Variants in CADM2 observed in about 807,000 individuals in gnomAD.
The protein encoded by CADM2 is cell adhesion molecule 2.
Under a neutral mutation model 49.8 loss-of-function variants are expected in CADM2, and 12 were observed. The observed-to-expected ratio is 0.24, with a 90% CI of 0.15 to 0.39. The LOEUF is 0.39. Ranked by LOEUF, CADM2 falls within the 10% of genes least tolerant of loss-of-function variation. The pLI is 1.00. For missense variants in CADM2, 378 were observed against 492.3 expected, an observed-to-expected ratio of 0.77 and a Z score of 2.20; for synonymous variants, 214 against 175.4, an observed-to-expected ratio of 1.22 and a Z score of -1.74.
chr3:85,645,049 C>G (rs1445320821), intron 1 of CADM2, among the ~76,000 whole-genome samples: 1 of 151,972 alleles, frequency 6.6e-6, no homozygotes, highest in African/African-American at 2.4e-5. Flanking sequence ...ATAACTATAT[C>G]AAAGTTCTTA....
chr3:85,293,235 C>A (rs2043853819), intron 1 of CADM2, among the ~76,000 whole-genome samples: 2 of 151,828 alleles, frequency 1.3e-5, no homozygotes, highest in South Asian at 4.2e-4. Flanking sequence ...AAGACTAAAC[C>A]AGGAAGAAGT....
At chr3:85,415,005 T>A (rs952831787) in intron 1 of CADM2, among the ~76,000 whole-genome samples, 2 of 152,180 alleles carry the variant, frequency 1.3e-5, no homozygotes, top group African/African-American at 4.8e-5. Flanking sequence ...AAGAAACTTT[T>A]AAAGTGCAAA....
intron 6 of CADM2, among the ~76,000 whole-genome samples, chr3:85,931,451 G>C (rs946190753): frequency 5.3e-5 from 8 of 151,788 alleles, no homozygotes; most frequent in African/African-American, 1.9e-4. Flanking sequence ...TGAAAAAAAA[G>C]AAAATAAAAA....
intron 8 of CADM2, chr3:86,014,957 T>C: frequency 7.1e-7 from 1 of 1,416,268 alleles, no homozygotes; most frequent in Non-Finnish European, 1.0e-6. Context: ...TTAAAGCATA[T>C]TTAAGGAACA....
intron 1 of CADM2, among the ~76,000 whole-genome samples, chr3:85,138,609 A>G (rs896015216): frequency 6.6e-6 from 1 of 152,274 alleles, no homozygotes; most frequent in South Asian, 2.1e-4. Flanking sequence ...CTATACTAGT[A>G]TTTTCAACAT....
At chr3:85,929,888 G>A (rs910839829) in intron 6 of CADM2, among the ~76,000 whole-genome samples, 4 of 151,908 alleles carry the variant, frequency 2.6e-5, no homozygotes, top group Non-Finnish European at 5.9e-5. Flanking sequence ...ATGATAAAGT[G>A]TCTGATGAAA....
At chr3:85,115,669 A>G (rs1273922603) in intron 1 of CADM2, among the ~76,000 whole-genome samples, 1 of 152,178 alleles carries the variant, frequency 6.6e-6, no homozygotes, top group East Asian at 1.9e-4. Context: ...CCAAAATTTT[A>G]TTATGTCAAG....
intron 3 of CADM2, among the ~76,000 whole-genome samples, chr3:85,835,720 GTA>G (rs377757726): frequency 1.0e-4 from 15 of 144,158 alleles, no homozygotes; most frequent in Admixed American, 2.1e-4. Context: ...ATGTGTATGT[GTA>G]TATATATATA....
In CADM2 at chr3:85,544,818, G is replaced by A. The variant is rs886841982; in HGVS notation, c.62-181704G>A. Among the ~76,000 whole-genome samples the A allele has an allele frequency of 2.5e-5, 3 of 118,306 alleles. No individual in the cohort carries two copies. The South Asian group carries it at 8.2e-4, about 32-fold the overall frequency. 77.6% of individuals were successfully genotyped at this position (118,306 alleles called of 152,430 possible). A position where few individuals can be genotyped will look rare whatever the true frequency, so the allele number is the denominator to read the frequency against. ...AATTTGTTGATAATATGCTACATGT[G>A]TTCAAAAAAAAAGAAAAGAAAAGGA... is the stretch of plus-strand genomic sequence containing the variant. On this transcript the variant is annotated intron_variant, in intron 1 of 9. Transcript: ENST00000383699.
At chr3:85,965,108 TATAA>T (rs1652853069) in intron 8 of CADM2, among the ~76,000 whole-genome samples, 2 of 151,442 alleles carry the variant, frequency 1.3e-5, no homozygotes, top group African/African-American at 4.8e-5. Context: ...TAATGTGGAA[TATAA>T]GCTAAGCATT....
chr3:85,313,978 G>C (rs1270165457), intron 1 of CADM2, among the ~76,000 whole-genome samples: 5 of 152,028 alleles, frequency 3.3e-5, no homozygotes, highest in African/African-American at 4.8e-5. Context: ...GCAACCTCCA[G>C]CTCCTGGGTT....
intron 1 of CADM2, among the ~76,000 whole-genome samples, chr3:85,480,295 C>A (rs963996592): frequency 1.3e-5 from 2 of 151,512 alleles, no homozygotes; most frequent in African/African-American, 4.8e-5. Flanking sequence ...TTTTATCAAC[C>A]ATATTGTTTT....
intron 1 of CADM2, among the ~76,000 whole-genome samples, chr3:85,569,284 G>A (rs943785213): frequency 1.1e-4 from 17 of 152,004 alleles, no homozygotes; most frequent in Middle Eastern, 6.8e-3. Flanking sequence ...TCAGCGGCTT[G>A]TTTCTTTTTC....
chr3:85,320,961 A>G (rs2044582492), intron 1 of CADM2, among the ~76,000 whole-genome samples: 2 of 150,214 alleles, frequency 1.3e-5, no homozygotes, highest in African/African-American at 2.4e-5. Context: ...AGTATCCACT[A>G]TAATATTTTT....
intron 1 of CADM2, among the ~76,000 whole-genome samples, chr3:85,381,599 TTTA>T: frequency 6.6e-6 from 1 of 150,728 alleles, no homozygotes; most frequent in Non-Finnish European, 1.5e-5. Context: ...TATTTTTTTT[TTTA>T]TTAAAAGCCA....
chr3:85,783,466 C>T (rs2070780695), intron 2 of CADM2, among the ~76,000 whole-genome samples: 1 of 152,098 alleles, frequency 6.6e-6, no homozygotes, highest in South Asian at 2.1e-4. Context: ...CATAAGGTTC[C>T]CATTGGTCCA....
chr3:85,295,990 T>C (rs932181103), intron 1 of CADM2, among the ~76,000 whole-genome samples: 37 of 151,974 alleles, frequency 2.4e-4, no homozygotes, highest in Admixed American at 1.3e-4. Flanking sequence ...AAATTTTTAT[T>C]AAGCTTGTCA....
intron 1 of CADM2, among the ~76,000 whole-genome samples, chr3:85,340,162 G>A (rs1435963548): frequency 6.6e-6 from 1 of 151,402 alleles, no homozygotes; most frequent in Non-Finnish European, 1.5e-5. Context: ...GTACACCTTA[G>A]CATTGCATAC....
At chr3:85,773,076 T>G (rs1473410868) in intron 2 of CADM2, among the ~76,000 whole-genome samples, 1 of 152,056 alleles carries the variant, frequency 6.6e-6, no homozygotes, top group South Asian at 2.1e-4. Context: ...GTTCGCATAT[T>G]GATCCCAAGA....
Sources: allele counts gnomAD v4.1 joint callset (sites outside exome capture counted in the v4.1 genomes callset), GRCh38; gene constraint gnomAD v4.1.1; transcripts MANE v1.5; gene names NCBI Gene and HGNC (gene_info 2026-07-23, HGNC 2026-07-21).